TMEM163: variants seen among roughly 807,000 people sequenced by gnomAD.
The protein encoded by TMEM163 is transmembrane protein 163.
A neutral mutation model predicts 29.3 loss-of-function variants in TMEM163; 17 were observed. That is an observed-to-expected ratio of 0.58 (90% CI 0.40 to 0.87). The LOEUF is 0.87. TMEM163 is among the 40% of genes least tolerant of loss of function. TMEM163 has a pLI of 0.00. For synonymous variants in TMEM163, 157 were observed against 160.6 expected (o/e 0.98, Z 0.17); for missense variants, 303 against 381.5 (o/e 0.79, Z 1.71).
At chr2:134,705,032 A>C (rs1042730557) in intron 2 of TMEM163, among the ~76,000 whole-genome samples, 2 of 152,042 alleles carry the variant, frequency 1.3e-5, no homozygotes, top group Admixed American at 1.3e-4. Flanking sequence ...CAACATGGCG[A>C]AACCCCGGCT....
chr2:134,542,643 T>A (rs1680700858), intron 4 of TMEM163, among the ~76,000 whole-genome samples: 1 of 151,640 alleles, frequency 6.6e-6, no homozygotes, highest in African/African-American at 2.4e-5. Context: ...CCCCAAACCA[T>A]CCCCCACCCA....
intron 2 of TMEM163, among the ~76,000 whole-genome samples, chr2:134,656,512 GTCGCT>G (rs1367029478): frequency 6.6e-6 from 1 of 152,192 alleles, no homozygotes; most frequent in Non-Finnish European, 1.5e-5. Context: ...CGTCTTCTGC[GTCGCT>G]CACGCTGGGA....
intron 2 of TMEM163, among the ~76,000 whole-genome samples, chr2:134,683,752 C>G (rs1329875290): frequency 6.6e-6 from 1 of 152,128 alleles, no homozygotes; most frequent in East Asian, 1.9e-4. Context: ...TCAGATTTTG[C>G]TATGAAAACA....
chr2:134,575,074 G>A lies in TMEM163; in HGVS notation c.323-22983C>T, dbSNP rs140892654. On this transcript the variant is annotated intron_variant, in intron 2 of 7. Transcript: ENST00000281924. ...GGGTGGGGGAAGGGGACCATGTGGC[G>A]GTCCTGAGCATGCAAAATGGGAGGC... Among the ~76,000 whole-genome samples, 456 of 152,158 alleles carry A rather than the reference G, an allele frequency of 3.0e-3. 1 individual carries two copies. The highest frequency in any genetic ancestry group is 4.9e-3 in the Non-Finnish European group (333 of 67,986).
At chr2:134,676,836 G>A (rs1298807271) in intron 2 of TMEM163, among the ~76,000 whole-genome samples, 4 of 151,970 alleles carry the variant, frequency 2.6e-5, no homozygotes, top group East Asian at 3.9e-4. Flanking sequence ...TATTTGAGAC[G>A]AACAGACCTT....
At chr2:134,655,859 CG>C (rs978604994) in intron 2 of TMEM163, among the ~76,000 whole-genome samples, 2 of 138,258 alleles carry the variant, frequency 1.4e-5, no homozygotes, top group Non-Finnish European at 3.0e-5. Context: ...TTAGGCTGCT[CG>C]GGGGTCAGGG....
intron 2 of TMEM163, among the ~76,000 whole-genome samples, chr2:134,683,655 C>T (rs751112976): frequency 3.3e-5 from 5 of 152,202 alleles, no homozygotes; most frequent in Non-Finnish European, 7.3e-5. Context: ...GAATGACAGG[C>T]CTTACTCATT....
chr2:134,479,864 G>A (rs1687008071), intron 5 of TMEM163, among the ~76,000 whole-genome samples: 1 of 152,254 alleles, frequency 6.6e-6, no homozygotes, highest in Non-Finnish European at 1.5e-5. Context: ...AGGCTGGAAT[G>A]TGGCGAAAGC....
intron 4 of TMEM163, among the ~76,000 whole-genome samples, chr2:134,508,777 T>G (rs1679882896): frequency 1.3e-5 from 2 of 149,632 alleles, no homozygotes; most frequent in South Asian, 4.4e-4. Context: ...CCCCTCATCC[T>G]CTCTCTCCAT....
intron 4 of TMEM163, among the ~76,000 whole-genome samples, chr2:134,512,761 C>T (rs773285091): frequency 3.9e-5 from 6 of 152,304 alleles, no homozygotes; most frequent in African/African-American, 1.4e-4. Context: ...GGTCTTAGAG[C>T]TGTTGTCAGG....
intron 2 of TMEM163, among the ~76,000 whole-genome samples, chr2:134,674,859 A>G (rs965056469): frequency 2.0e-5 from 3 of 152,198 alleles, no homozygotes; most frequent in African/African-American, 7.2e-5. Context: ...ATCCAACCTC[A>G]GACTGGCACT....
At chr2:134,697,661 C>T (rs34314628) in intron 2 of TMEM163, among the ~76,000 whole-genome samples, 19,399 of 151,900 alleles carry the variant, frequency 0.13, 1,610 homozygotes, top group Middle Eastern at 0.36. Context: ...GACGGGGTTT[C>T]GCCATGTTGG....
chr2:134,619,072 TATG>T (rs1165983860), intron 2 of TMEM163, among the ~76,000 whole-genome samples: 1 of 152,176 alleles, frequency 6.6e-6, no homozygotes, highest in Non-Finnish European at 1.5e-5. Flanking sequence ...GACTTTTAAC[TATG>T]ATGATAACAG....
At chr2:134,665,913 T>C (rs914987843) in intron 2 of TMEM163, among the ~76,000 whole-genome samples, 2 of 152,214 alleles carry the variant, frequency 1.3e-5, no homozygotes, top group African/African-American at 4.8e-5. Flanking sequence ...GCTGTTATTA[T>C]TTTTGTGACT....
At chr2:134,504,024 A>T (rs2012389) in intron 4 of TMEM163, among the ~76,000 whole-genome samples, 2,737 of 152,302 alleles carry the variant, frequency 0.018, 82 homozygotes, top group East Asian at 0.15. Flanking sequence ...TGATGTCTCC[A>T]CCATTTGGTG....
intron 2 of TMEM163, among the ~76,000 whole-genome samples, chr2:134,569,482 A>G (rs1275893274): frequency 6.6e-6 from 1 of 152,206 alleles, no homozygotes; most frequent in African/African-American, 2.4e-5. Flanking sequence ...CACTTGGAAA[A>G]CACATATAAA....
intron 3 of TMEM163, among the ~76,000 whole-genome samples, chr2:134,551,730 T>A (rs1244699562): frequency 6.6e-6 from 1 of 152,126 alleles, no homozygotes; most frequent in East Asian, 1.9e-4. Flanking sequence ...CACCAGAAAA[T>A]GCTTTGCTTC....
chr2:134,474,841 ATAAAT>A (rs1686880249), intron 5 of TMEM163, among the ~76,000 whole-genome samples: 1 of 152,202 alleles, frequency 6.6e-6, no homozygotes. Flanking sequence ...TATTACGGAG[ATAAAT>A]TAAAAGATTT....
chr2:134,710,899 T>C (rs1400387921), intron 2 of TMEM163, among the ~76,000 whole-genome samples: 1 of 152,198 alleles, frequency 6.6e-6, no homozygotes, highest in Non-Finnish European at 1.5e-5. Context: ...GCAATCCTCT[T>C]AAAAATACGA....
Sources: allele counts gnomAD v4.1 joint callset (sites outside exome capture counted in the v4.1 genomes callset), GRCh38; gene constraint gnomAD v4.1.1; transcripts MANE v1.5; gene names NCBI Gene and HGNC (gene_info 2026-07-23, HGNC 2026-07-21).